Variants in C16orf87 observed in about 807,000 individuals in gnomAD.
C16orf87 encodes UPF0547 protein C16orf87.
Under a neutral mutation model 21.0 loss-of-function variants are expected in C16orf87, and 13 were observed. The ratio of observed to expected loss-of-function variants is 0.62; its 90% CI spans 0.40 to 0.98. The LOEUF is 0.98. C16orf87 is among the 50% of genes least tolerant of loss of function. The pLI, the probability that C16orf87 is intolerant of heterozygous loss-of-function variation, is 0.00. For missense variants in C16orf87, 113 were observed against 180.4 expected, an observed-to-expected ratio of 0.63 and a Z score of 2.14; for synonymous variants, 49 against 60.2, an observed-to-expected ratio of 0.81 and a Z score of 0.86.
intron 2 of C16orf87, among the ~76,000 whole-genome samples, chr16:46,824,131 A>C (rs953941870): frequency 6.6e-6 from 1 of 152,188 alleles, no homozygotes; most frequent in African/African-American, 2.4e-5. Flanking sequence ...CCTTGCTAAA[A>C]CCTTTCAATG....
chr16:46,830,307 A>AGAGAGGGT (rs758468161), intron 1 of C16orf87, among the ~76,000 whole-genome samples: 4 of 109,238 alleles, frequency 3.7e-5, no homozygotes, highest in African/African-American at 1.4e-4. Flanking sequence ...AGAGAGAGAG[A>AGAGAGGGT]GACACACAGA....
intron 2 of C16orf87, among the ~76,000 whole-genome samples, chr16:46,812,484 T>C (rs534024488): frequency 1.3e-5 from 2 of 152,310 alleles, no homozygotes; most frequent in South Asian, 2.1e-4. Flanking sequence ...TGAAATTATA[T>C]GGGATTTGCT....
Position 46,809,754 on chromosome 16 carries a change from T to C in C16orf87, c.195A>G (p.Thr65=). 6.2e-7 allele frequency: 1 copy of C among 1,610,010 alleles called. No homozygotes were observed. Among genetic ancestry groups the C allele is most frequent in the Non-Finnish European group, 8.5e-7 (1 of 1,176,994 alleles). ...TTATCTTCTCTCTCCTAACTCTCTC[T>C]GTTCGCCTCCTCTTGGCCTCATGCT... ...ENKHEAKRRR[T]ERVRREKINS... is the part of the protein sequence containing the mutation. The change falls in exon 3 of 4, where the codon ACA becomes ACG. Residue 65 remains threonine, a synonymous_variant. Transcript: ENST00000285697.
intron 3 of C16orf87, among the ~76,000 whole-genome samples, chr16:46,807,003 T>C (rs1481260099): frequency 6.6e-6 from 1 of 152,232 alleles, no homozygotes; most frequent in Non-Finnish European, 1.5e-5. Context: ...AAGAAGCATA[T>C]CCAAGAAATC....
intron 2 of C16orf87, among the ~76,000 whole-genome samples, chr16:46,822,496 T>A (rs1959456289): frequency 6.6e-6 from 1 of 152,144 alleles, no homozygotes; most frequent in Non-Finnish European, 1.5e-5. Context: ...TCTGCATGAA[T>A]CCTATACAGC....
Position 46,802,831 on chromosome 16 carries a change from GAGAA to G in C16orf87, c.*117_*120del. 1 of 653,316 alleles carries G rather than the reference GAGAA, an allele frequency of 1.5e-6. No individual in the cohort carries two copies. Among genetic ancestry groups the G allele is most frequent in the Admixed American group, 2.5e-5 (1 of 39,902 alleles). 40.5% of individuals were successfully genotyped at this position (653,316 alleles called of 1,614,324 possible). A position where few individuals can be genotyped will look rare whatever the true frequency, so the allele number is the denominator to read the frequency against. ...GTGTGGCACAGGCTAAACGACAGGC[GAGAA>G]AGAAACAATCGATGGCCCTTATTGA... is the stretch of plus-strand genomic sequence containing the variant. On this transcript the variant is annotated 3_prime_UTR_variant, in exon 4 of 4. Coordinates refer to ENST00000285697, the MANE Select transcript of C16orf87 (RefSeq NM_001001436.4).
At chr16:46,811,296 G>A (rs1968075685) in intron 2 of C16orf87, among the ~76,000 whole-genome samples, 1 of 152,072 alleles carries the variant, frequency 6.6e-6, no homozygotes. Flanking sequence ...CTGAGGTCAG[G>A]AGTTCGAGAC....
intron 3 of C16orf87, among the ~76,000 whole-genome samples, chr16:46,803,284 T>C (rs2143036799): frequency 6.6e-6 from 1 of 152,346 alleles, no homozygotes; most frequent in East Asian, 1.9e-4. Flanking sequence ...TTTATTTCTA[T>C]ACACAGGCAC....
intron 3 of C16orf87, among the ~76,000 whole-genome samples, chr16:46,809,211 C>T (rs1968011427): frequency 6.6e-6 from 1 of 151,248 alleles, no homozygotes; most frequent in South Asian, 2.1e-4. Flanking sequence ...CACCGGAGCC[C>T]TGGAGTTTAA....
intron 1 of C16orf87, among the ~76,000 whole-genome samples, chr16:46,829,213 T>A (rs1959748564): frequency 6.6e-6 from 1 of 152,142 alleles, no homozygotes; most frequent in African/African-American, 2.4e-5. Flanking sequence ...GACAGCCATC[T>A]GCAAGCCAAG....
At position 46,823,757 on chromosome 16, in the gene C16orf87, A is replaced by G. The variant is rs1227308672; in HGVS notation, c.163+629T>C. ...AAATCTCCATACAAAGACTCCTACT[A>G]AGCAATAAAAAGGAATGAACTCTTA... On this transcript the variant is annotated intron_variant, in intron 2 of 3. Transcript: ENST00000285697. 2.0e-5 allele frequency among the ~76,000 whole-genome samples: 3 copies of G among 152,226 alleles called. No homozygotes were observed. In the East Asian group the frequency reaches 5.8e-4, roughly 29 times the overall value.
intron 2 of C16orf87, among the ~76,000 whole-genome samples, chr16:46,818,196 T>C (rs1361907586): frequency 6.6e-6 from 1 of 152,128 alleles, no homozygotes; most frequent in African/African-American, 2.4e-5. Flanking sequence ...GAACAATACT[T>C]TCTGAATAAC....
At chr16:46,812,196 A>C (rs918990012) in intron 2 of C16orf87, among the ~76,000 whole-genome samples, 1 of 152,110 alleles carries the variant, frequency 6.6e-6, no homozygotes, top group African/African-American at 2.4e-5. Flanking sequence ...GTGAGCTGAG[A>C]TCGTGCCACT....
At chr16:46,818,955 T>C (rs1172509755) in intron 2 of C16orf87, among the ~76,000 whole-genome samples, 1 of 152,234 alleles carries the variant, frequency 6.6e-6, no homozygotes, top group Non-Finnish European at 1.5e-5. Flanking sequence ...ACTTCGTAAC[T>C]TTACTTCATC....
intron 2 of C16orf87, among the ~76,000 whole-genome samples, chr16:46,822,327 C>G (rs1959447682): frequency 6.6e-6 from 1 of 152,158 alleles, no homozygotes; most frequent in South Asian, 2.1e-4. Context: ...ACTTTGTCTC[C>G]CTAAGAACAA....
chr16:46,811,639 T>C (rs1431873599), intron 2 of C16orf87, among the ~76,000 whole-genome samples: 3 of 150,092 alleles, frequency 2.0e-5, no homozygotes, highest in Admixed American at 1.3e-4. Context: ...TTACAACTAA[T>C]AGGAAAAAGA....
At chr16:46,829,892 T>A (rs1959774748) in intron 1 of C16orf87, among the ~76,000 whole-genome samples, 1 of 132,114 alleles carries the variant, frequency 7.6e-6, no homozygotes, top group Non-Finnish European at 1.6e-5. Flanking sequence ...ATCAGCTTAT[T>A]AAAAAGTCTC....
chr16:46,802,879 G>A lies in C16orf87; in HGVS notation c.*73C>T. On this transcript the variant is annotated 3_prime_UTR_variant, in exon 4 of 4. Coordinates refer to ENST00000285697, the MANE Select transcript of C16orf87 (RefSeq NM_001001436.4). ...TTATTGATGCAGTCAGAATGCTCCTGAGAGTCCATAACTGTTTGAGAATTT... is the reference window on the plus strand; with the variant it reads ...TTATTGATGCAGTCAGAATGCTCCTAAGAGTCCATAACTGTTTGAGAATTT... 1.3e-6 allele frequency: 1 copy of A among 754,464 alleles called. No individual in the cohort carries two copies. Among genetic ancestry groups the A allele is most frequent in the South Asian group, 1.5e-5 (1 of 65,364 alleles). 46.7% of individuals were successfully genotyped at this position (754,464 alleles called of 1,614,324 possible).
At position 46,797,978 on chromosome 16, in the gene C16orf87, G is replaced by C. The variant is rs1967660589; in HGVS notation, c.*4974C>G. On this transcript the variant is annotated 3_prime_UTR_variant, in exon 4 of 4. Coordinates refer to ENST00000285697, the MANE Select transcript of C16orf87 (RefSeq NM_001001436.4). Reference sequence around the variant, plus strand: ...AACACAATAAAATTTGTGAGATAAAGCAAATGGGAAATTTATAGCATTAAA... The same window carrying C: ...AACACAATAAAATTTGTGAGATAAACCAAATGGGAAATTTATAGCATTAAA... 1 of 151,998 alleles carries C rather than the reference G, an allele frequency of 6.6e-6. No individual in the cohort carries two copies. The allele number at this position is 151,998 out of a possible 1,614,324, so 9.4% of individuals were successfully genotyped here.
Sources: gnomAD v4.1 joint callset for allele counts (sites outside exome capture counted in the v4.1 genomes callset) on GRCh38, gnomAD v4.1.1 for gene constraint, MANE v1.5 for transcripts, NCBI Gene and HGNC (gene_info 2026-07-23, HGNC 2026-07-21) for gene names.